Variants in CLCN3 observed in about 807,000 individuals in gnomAD.
CLCN3 encodes the protein Cl-/H+ antiporter 3.
Under a neutral mutation model 83.4 loss-of-function variants are expected in CLCN3, and 16 were observed. The observed-to-expected ratio is 0.19, with a 90% CI of 0.13 to 0.29. CLCN3 has a LOEUF of 0.29. Among genes scored for constraint, CLCN3 ranks in the 10% least tolerant of loss-of-function variants. The probability of loss-of-function intolerance (pLI) is 1.00; values close to 1 mark genes in which losing one functional copy is unlikely to be tolerated. For missense variants in CLCN3, 544 were observed against 1,006.0 expected, an observed-to-expected ratio of 0.54 and a Z score of 6.21; for synonymous variants, 322 against 346.2, an observed-to-expected ratio of 0.93 and a Z score of 0.78.
chr4:169,674,804 G>T (rs1419807325), intron 2 of CLCN3, among the ~76,000 whole-genome samples: 2 of 151,962 alleles, frequency 1.3e-5, no homozygotes, highest in African/African-American at 4.8e-5. Context: ...AGGCTGGAGT[G>T]CATTGGCGCA....
chr4:169,719,974 C>T lies in CLCN3; in HGVS notation c.2434C>T (p.Pro812Ser), dbSNP rs761305953. 3.1e-6 allele frequency: 5 copies of T among 1,613,814 alleles called. No homozygotes were observed. Among genetic ancestry groups the T allele is most frequent in the Non-Finnish European group, 4.2e-6 (5 of 1,179,792 alleles). The change falls in exon 13 of 13, where the codon CCC becomes TCC. Residue 812 changes from proline to serine, a missense_variant. By Grantham distance (74) the Pro-to-Ser change is moderately conservative. Around this residue, in one of 6 missense-constraint regions of CLCN3, gnomAD observed 142 missense variants for 225.0 expected, o/e 0.63. Transcript: ENST00000513761. Reference protein sequence around the residue: ...RHMAQTANQDPASIMFN With the variant: ...RHMAQTANQDSASIMFN The stretch of plus-strand genomic sequence containing the variant: ...TATGGCCCAGACGGCAAACCAAGAC[C>T]CCGCTTCAATAATGTTCAACTGAAT...
rs201222028 is a variant in CLCN3 at position 169,697,475 on chromosome 4, C to T, written c.1304C>T (p.Ala435Val). The stretch of plus-strand genomic sequence containing the variant: ...CCCGTTCTGGAAGTCATTATTGTTG[C>T]AGCCATTACTGCTGTGATAGCCTTC... ...KYPVLEVIIVAAITAVIAFPN... is the reference protein window; with the variant it reads ...KYPVLEVIIVVAITAVIAFPN... Residue 435 changes from alanine (A) to valine (V), a missense_variant, in exon 9 of 13, where the codon GCA (alanine) becomes GTA (valine). Physicochemically the swap from Ala to Val is moderately conservative, Grantham distance 64 (BLOSUM62 0). Coordinates refer to ENST00000513761, the MANE Select transcript of CLCN3 (RefSeq NM_001829.4). 12 of 1,614,206 alleles carry T rather than the reference C, an allele frequency of 7.4e-6. No individual in the cohort carries two copies. The African/African-American group carries it at 1.5e-4, about 20-fold the overall frequency.
Position 169,695,674 on chromosome 4 carries a change from T to C in CLCN3, c.999T>C (p.Val333=). 6.2e-7 allele frequency: 1 copy of C among 1,612,898 alleles called. No individual in the cohort carries two copies. Among genetic ancestry groups the C allele is most frequent in the South Asian group, 1.1e-5 (1 of 90,928 alleles). The change falls in exon 8 of 13, where the codon GTT becomes GTC. Residue 333 remains valine, a synonymous_variant. Coordinates refer to ENST00000513761, the MANE Select transcript of CLCN3 (RefSeq NM_001829.4). The part of the protein sequence containing the change: ...SVAFGAPIGG[V]LFSLEEVSYY... Reference sequence around the variant, plus strand: ...CTTTTGGTGCACCAATTGGAGGAGTTCTTTTTAGCCTGGAAGAGGTAGGTG... The same window carrying C: ...CTTTTGGTGCACCAATTGGAGGAGTCCTTTTTAGCCTGGAAGAGGTAGGTG...
intron 2 of CLCN3, among the ~76,000 whole-genome samples, chr4:169,650,027 G>C (rs1277744147): frequency 6.6e-6 from 1 of 152,060 alleles, no homozygotes; most frequent in Non-Finnish European, 1.5e-5. Flanking sequence ...TAAGGCTGCA[G>C]TGAGCCATGA....
At chr4:169,678,339 T>G (rs1457739366) in intron 2 of CLCN3, among the ~76,000 whole-genome samples, 2 of 152,222 alleles carry the variant, frequency 1.3e-5, no homozygotes, top group African/African-American at 4.8e-5. Flanking sequence ...TCTTTTGGCC[T>G]TACTTCCAAG....
chr4:169,716,111 A>G (rs2150278235), intron 12 of CLCN3, among the ~76,000 whole-genome samples: 1 of 152,274 alleles, frequency 6.6e-6, no homozygotes, highest in Admixed American at 6.5e-5. Context: ...TTTTAGCCCA[A>G]AAGGAAACAG....
At chr4:169,712,933 T>C in intron 11 of CLCN3, 146 bp from the exon 12 acceptor site, 1 of 622,084 alleles carries the variant, frequency 1.6e-6, no homozygotes. Context: ...TTCAGTTGAC[T>C]CCTTTCTTGG....
chr4:169,621,722 G>T (rs1432222857), intron 1 of CLCN3, among the ~76,000 whole-genome samples: 1 of 152,196 alleles, frequency 6.6e-6, no homozygotes, highest in Non-Finnish European at 1.5e-5. Flanking sequence ...TTCAGTTACT[G>T]CAGCATCATT....
chr4:169,699,364 A>G (rs1284167556), intron 9 of CLCN3, among the ~76,000 whole-genome samples: 1 of 152,160 alleles, frequency 6.6e-6, no homozygotes, highest in Non-Finnish European at 1.5e-5. Context: ...TGTGACTATC[A>G]GTGATATATA....
intron 12 of CLCN3, among the ~76,000 whole-genome samples, chr4:169,714,580 A>G (rs1364055105): frequency 6.6e-6 from 1 of 152,154 alleles, no homozygotes; most frequent in African/African-American, 2.4e-5. Flanking sequence ...GCCTCTTGCT[A>G]CTATTTTGCA....
chr4:169,668,533 G>A (rs988676227), intron 2 of CLCN3, among the ~76,000 whole-genome samples: 4 of 152,108 alleles, frequency 2.6e-5, no homozygotes, highest in African/African-American at 9.7e-5. Context: ...CGGGAGGCAG[G>A]GCTGGAATTT....
chr4:169,627,119 G>A (rs896002184), intron 1 of CLCN3, among the ~76,000 whole-genome samples: 2 of 152,134 alleles, frequency 1.3e-5, no homozygotes, highest in African/African-American at 4.8e-5. Context: ...AGATGAGTAT[G>A]TAAGTTTCTT....
chr4:169,685,596 C>A (rs753030135), intron 3 of CLCN3, among the ~76,000 whole-genome samples: 1 of 152,124 alleles, frequency 6.6e-6, no homozygotes, highest in Non-Finnish European at 1.5e-5. Context: ...TTATCTGATG[C>A]TATGTTGATG....
At chr4:169,689,545 A>C (rs546650689) in intron 5 of CLCN3, among the ~76,000 whole-genome samples, 63 of 152,356 alleles carry the variant, frequency 4.1e-4, no homozygotes, top group Non-Finnish European at 7.8e-4. Flanking sequence ...TAAAACTAAT[A>C]TATTACTAAG....
At chr4:169,712,996 A>G in intron 11 of CLCN3, 83 bp from the exon 12 acceptor site, 4 of 1,009,976 alleles carry the variant, frequency 4.0e-6, no homozygotes, top group South Asian at 1.4e-5. Context: ...GGATACATTA[A>G]TTTTTTTTAT....
At chr4:169,696,813 CTTTTT>C (rs928033309) in intron 8 of CLCN3, among the ~76,000 whole-genome samples, 1 of 130,550 alleles carries the variant, frequency 7.7e-6, no homozygotes, top group East Asian at 2.1e-4. Context: ...TGTTTGTATT[CTTTTT>C]TTTTTTTTAA....
At chr4:169,636,740 T>TTG (rs1773514036) in intron 2 of CLCN3, among the ~76,000 whole-genome samples, 4 of 151,568 alleles carry the variant, frequency 2.6e-5, no homozygotes, top group African/African-American at 4.8e-5. Context: ...ATTTGGTTTT[T>TTG]TTTTTTTTTT....
intron 12 of CLCN3, among the ~76,000 whole-genome samples, chr4:169,714,122 C>G (rs1733333751): frequency 6.6e-6 from 1 of 152,154 alleles, no homozygotes; most frequent in Non-Finnish European, 1.5e-5. Flanking sequence ...CCCTTCATTT[C>G]CACTATATAT....
rs200126557 is a variant in CLCN3 at position 169,672,653 on chromosome 4, TTTTG to T, written c.161-7377_161-7374del. On this transcript the variant is annotated intron_variant, in intron 2 of 12. Transcript: ENST00000513761. ...TTTTAGCCTATATAAGTTATATATATTTTGTTTGTTTGTTTGTTTGTTTTGTTTG... is the reference window on the plus strand; with the variant it reads ...TTTTAGCCTATATAAGTTATATATATTTTGTTTGTTTGTTTGTTTTGTTTG... 3.1e-4 allele frequency among the ~76,000 whole-genome samples: 47 copies of T among 152,132 alleles called. 1 individual carries two copies. In the South Asian group the frequency reaches 5.6e-3, roughly 18 times the overall value.
Sources: gnomAD v4.1 joint callset for allele counts (sites outside exome capture counted in the v4.1 genomes callset) on GRCh38, gnomAD v4.1.1 for gene constraint, gnomAD v4.1.1 regional missense constraint, MANE v1.5 for transcripts, NCBI Gene and HGNC (gene_info 2026-07-23, HGNC 2026-07-21) for gene names.